DLGAP2: variants seen among roughly 807,000 people sequenced by gnomAD.
The protein encoded by DLGAP2 is DLG associated protein 2, also known as disks large-associated protein 2.
Under a neutral mutation model 100.3 loss-of-function variants are expected in DLGAP2, and 26 were observed. That is an observed-to-expected ratio of 0.26 (90% CI 0.19 to 0.36). DLGAP2 has a LOEUF of 0.36. DLGAP2 is among the 10% of genes least tolerant of loss of function. The pLI is 1.00. For synonymous variants in DLGAP2, 886 were observed against 630.1 expected, an observed-to-expected ratio of 1.41 and a Z score of -6.08; for missense variants, 1,858 against 1,453.2, an observed-to-expected ratio of 1.28 and a Z score of -4.53.
intron 8 of DLGAP2, among the ~76,000 whole-genome samples, chr8:1,658,839 G>A (rs1798344031): frequency 1.3e-5 from 2 of 152,076 alleles, no homozygotes; most frequent in African/African-American, 4.8e-5. Context: ...CTTCAGTTCT[G>A]CTGTGATCTT....
intron 2 of DLGAP2, among the ~76,000 whole-genome samples, chr8:1,194,108 G>T (rs1563244827): frequency 6.6e-6 from 1 of 152,038 alleles, no homozygotes; most frequent in Non-Finnish European, 1.5e-5. Flanking sequence ...CAGTTTTGAC[G>T]CTGTGGAAAA....
intron 3 of DLGAP2, among the ~76,000 whole-genome samples, chr8:1,331,264 C>A (rs773996707): frequency 3.3e-5 from 5 of 152,308 alleles, no homozygotes; most frequent in African/African-American, 1.2e-4. Flanking sequence ...CCGCAAATTC[C>A]TTCAGAGGTC....
chr8:932,819 A>T (rs903313577), intron 2 of DLGAP2, among the ~76,000 whole-genome samples: 10 of 145,160 alleles, frequency 6.9e-5, no homozygotes, highest in Non-Finnish European at 1.1e-4. Flanking sequence ...ATGAAAAATT[A>T]AAAAAAAAAT....
At chr8:1,488,422 A>T (rs1442087769) in intron 3 of DLGAP2, among the ~76,000 whole-genome samples, 1 of 152,120 alleles carries the variant, frequency 6.6e-6, no homozygotes, top group Non-Finnish European at 1.5e-5. Context: ...GCTTAAAGAG[A>T]AAGAGAATTG....
chr8:1,269,060 A>T (rs1179137999), intron 3 of DLGAP2, among the ~76,000 whole-genome samples: 2 of 152,186 alleles, frequency 1.3e-5, no homozygotes, highest in African/African-American at 4.8e-5. Flanking sequence ...AATAGGGCAT[A>T]CAGATGTGAA....
chr8:1,383,738 C>T (rs1228460901), intron 3 of DLGAP2, among the ~76,000 whole-genome samples: 2 of 152,146 alleles, frequency 1.3e-5, no homozygotes, highest in African/African-American at 4.8e-5. Flanking sequence ...AGAATGGCCA[C>T]GTCAGAGCCT....
At chr8:1,623,585 G>T (rs1380143917) in intron 6 of DLGAP2, among the ~76,000 whole-genome samples, 1 of 151,270 alleles carries the variant, frequency 6.6e-6, no homozygotes, top group African/African-American at 2.4e-5. Context: ...CCTGACACCA[G>T]TGTGTGATGA....
chr8:832,717 T>C (rs531374543), intron 1 of DLGAP2, among the ~76,000 whole-genome samples: 1 of 152,312 alleles, frequency 6.6e-6, no homozygotes, highest in African/African-American at 2.4e-5. Context: ...GTGGAGGAAG[T>C]GAGCACAACT....
At chr8:1,523,463 A>G (rs1269267072) in intron 4 of DLGAP2, among the ~76,000 whole-genome samples, 1 of 152,338 alleles carries the variant, frequency 6.6e-6, no homozygotes, top group South Asian at 2.1e-4. Flanking sequence ...CGGAGCCCCA[A>G]GGCGGGCCAG....
intron 2 of DLGAP2, among the ~76,000 whole-genome samples, chr8:1,058,472 A>G (rs1202489641): frequency 6.6e-6 from 1 of 152,186 alleles, no homozygotes; most frequent in African/African-American, 2.4e-5. Flanking sequence ...GGCTTCTAAT[A>G]CCTGCCCATG....
At chr8:1,390,562 T>C (rs1424273463) in intron 3 of DLGAP2, among the ~76,000 whole-genome samples, 1 of 152,132 alleles carries the variant, frequency 6.6e-6, no homozygotes, top group Non-Finnish European at 1.5e-5. Flanking sequence ...TCCTGTATGC[T>C]TGCGGGCCTC....
chr8:1,234,457 A>G (rs773471218), intron 2 of DLGAP2, among the ~76,000 whole-genome samples: 2 of 152,118 alleles, frequency 1.3e-5, no homozygotes, highest in African/African-American at 4.8e-5. Context: ...TTTCATAAGG[A>G]CACTAGTAAT....
intron 3 of DLGAP2, among the ~76,000 whole-genome samples, chr8:1,276,701 C>T (rs534671889): frequency 6.6e-6 from 1 of 151,980 alleles, no homozygotes; most frequent in African/African-American, 2.4e-5. Flanking sequence ...ACAAGACACT[C>T]TTGTTCACAT....
At chr8:779,697 C>T (rs1821635476) in intron 1 of DLGAP2, among the ~76,000 whole-genome samples, 1 of 151,988 alleles carries the variant, frequency 6.6e-6, no homozygotes, top group Non-Finnish European at 1.5e-5. Context: ...TTTCTTCTAC[C>T]ACTGTTAGCC....
At chr8:1,262,334 A>C (rs1330406484) in intron 3 of DLGAP2, 1 of 152,182 alleles carries the variant, frequency 6.6e-6, no homozygotes, top group African/African-American at 2.4e-5. Flanking sequence ...GAGGTTTTGA[A>C]ACTTGTGAGA....
At chr8:884,111 G>T (rs971936264) in intron 1 of DLGAP2, among the ~76,000 whole-genome samples, 5 of 152,178 alleles carry the variant, frequency 3.3e-5, no homozygotes, top group African/African-American at 1.2e-4. Context: ...ACATACGCAT[G>T]TGTCTTTGCA....
At chr8:1,162,762 T>C (rs998761439) in intron 2 of DLGAP2, among the ~76,000 whole-genome samples, 5 of 152,102 alleles carry the variant, frequency 3.3e-5, no homozygotes, top group African/African-American at 1.2e-4. Context: ...GTCCGTTGTC[T>C]GTACTGTGTC....
chr8:1,504,829 C>T (rs772712137), intron 4 of DLGAP2, among the ~76,000 whole-genome samples: 4 of 152,278 alleles, frequency 2.6e-5, no homozygotes, highest in East Asian at 3.9e-4. Flanking sequence ...AGCATCTTAA[C>T]GAACACGAGA....
At chr8:993,498 C>T (rs1318384060) in intron 2 of DLGAP2, among the ~76,000 whole-genome samples, 1 of 139,158 alleles carries the variant, frequency 7.2e-6, no homozygotes. Flanking sequence ...CTTGCCTGGA[C>T]CCCCTGCACC....
Sources: allele counts gnomAD v4.1 joint callset (sites outside exome capture counted in the v4.1 genomes callset), GRCh38; gene constraint gnomAD v4.1.1; transcripts MANE v1.5; gene names NCBI Gene and HGNC (gene_info 2026-07-23, HGNC 2026-07-21).